CENPE: variants seen among roughly 807,000 people sequenced by gnomAD.
CENPE encodes centromere-associated protein E.
Under a neutral mutation model 336.1 loss-of-function variants are expected in CENPE, and 145 were observed. The observed-to-expected ratio is 0.43, with a 90% CI of 0.38 to 0.50. The LOEUF (loss-of-function observed/expected upper bound fraction) is 0.50. Ranked by LOEUF, CENPE falls within the 20% of genes least tolerant of loss-of-function variation. The probability of loss-of-function intolerance (pLI) is 0.00; values close to 1 mark genes in which losing one functional copy is unlikely to be tolerated. For synonymous variants in CENPE, 1,013 were observed against 984.8 expected (o/e 1.03, Z -0.54); for missense variants, 2,719 against 3,023.3 (o/e 0.90, Z 2.36).
In CENPE at chr4:103,177,048, TA is replaced by T; in HGVS notation, c.1243-3del. ...AGTAACTCTTCGTTTTCTTTTAGCC[TA>T]AAGAAGAAGAAATCAAAATTATGTC... On this transcript the variant is annotated splice_region_variant and splice_polypyrimidine_tract_variant and intron_variant, in intron 13 of 48. Transcript: ENST00000265148. 6.3e-7 allele frequency: 1 copy of T among 1,598,432 alleles called. No individual in the cohort carries two copies.
At position 103,120,297 on chromosome 4, in the gene CENPE, T is replaced by C; in HGVS notation, c.7180A>G (p.Lys2394Glu). The stretch of plus-strand genomic sequence containing the variant: ...CTTTCCTTATGCATAGCACTTTCTT[T>C]AGCTTCATGCAGTGAATTTTCCAGC... The part of the protein sequence containing the change: ...RELENSLHEA[K>E]ESAMHKESKI... Residue 2394 changes from lysine (K) to glutamate (E), a missense_variant, in exon 44 of 49, where the codon AAA becomes GAA. Physicochemically the swap from Lys to Glu is moderately conservative, Grantham distance 56. Transcript: ENST00000265148. 1 of 1,610,238 alleles carries C rather than the reference T, an allele frequency of 6.2e-7. No individual in the cohort carries two copies. The highest frequency in any genetic ancestry group is 8.5e-7 in the Non-Finnish European group (1 of 1,179,158).
intron 47 of CENPE, 95 bp from the exon 48 acceptor site, chr4:103,109,184 GA>G: frequency 2.1e-6 from 2 of 934,552 alleles, no homozygotes; most frequent in Non-Finnish European, 3.1e-6. Flanking sequence ...AAATTGTGAT[GA>G]AATATATATA....
intron 39 of CENPE, 149 bp downstream of exon 39, chr4:103,138,202 A>G: frequency 1.6e-6 from 1 of 626,720 alleles, no homozygotes; most frequent in Non-Finnish European, 2.9e-6. Flanking sequence ...TATGCATTAT[A>G]CCCACACACC....
At chr4:103,156,543 T>C (rs1753971855) in intron 24 of CENPE, among the ~76,000 whole-genome samples, 1 of 152,132 alleles carries the variant, frequency 6.6e-6, no homozygotes. Flanking sequence ...AAGAACGAAG[T>C]TGTACCCTGA....
rs745443405 is a variant in CENPE, at chr4:103,196,829, A to G, written c.78T>C (p.Thr26=). The stretch of plus-strand genomic sequence containing the variant: ...TGTCAGTTTTCCAGTAAACTTGGGC[A>G]GTTTCTCCAAGTGATTCTTCTCTAA... The part of the protein sequence containing the change: ...LNSREESLGE[T]AQVYWKTDNN... The change falls in exon 2 of 49, where the codon ACT becomes ACC. Residue 26 remains threonine (T), a synonymous_variant. Transcript: ENST00000265148. 13 of 1,574,150 alleles carry G rather than the reference A, an allele frequency of 8.3e-6. No homozygotes were observed. Among genetic ancestry groups the G allele is most frequent in the Non-Finnish European group, 1.0e-5 (12 of 1,145,886 alleles).
intron 9 of CENPE, among the ~76,000 whole-genome samples, chr4:103,184,209 G>T (rs1756558724): frequency 6.6e-6 from 1 of 152,210 alleles, no homozygotes; most frequent in Non-Finnish European, 1.5e-5. Flanking sequence ...GGACTGGTTT[G>T]GTGGATGTAG....
intron 38 of CENPE, 63 bp downstream of exon 38, chr4:103,139,725 AT>A: frequency 1.4e-6 from 2 of 1,382,086 alleles, no homozygotes. Context: ...AAACATTGTA[AT>A]TCTTTTCAAA....
At chr4:103,132,960 T>TTATATATATATATATATATATA (rs56951110) in intron 41 of CENPE, 64 bp from the exon 42 acceptor site, 3,139 of 146,970 alleles carry the variant, frequency 0.021, 117 homozygotes, top group Middle Eastern at 0.029. Flanking sequence ...AATATTTTAT[T>TTATATATATATATATATATATA]TATATATATA....
chr4:103,136,843 G>T (rs1387679281), intron 39 of CENPE, among the ~76,000 whole-genome samples: 1 of 152,110 alleles, frequency 6.6e-6, no homozygotes, highest in East Asian at 1.9e-4. Context: ...CCTACTATCT[G>T]CCTACAATCT....
Position 103,122,969 on chromosome 4 carries a change from A to G in CENPE, c.7045T>C (p.Leu2349=). 2 of 1,613,956 alleles carry G rather than the reference A, an allele frequency of 1.2e-6. No individual in the cohort carries two copies. Among genetic ancestry groups the G allele is most frequent in the Non-Finnish European group, 1.7e-6 (2 of 1,179,862 alleles). ...GCACCAGATGCCAAGGAAGTCTTCAATGTTTGGTAGTTTTTAAATAGTTTT... is the reference window on the plus strand; with the variant it reads ...GCACCAGATGCCAAGGAAGTCTTCAGTGTTTGGTAGTTTTTAAATAGTTTT... ...NEKLFKNYQT[L]KTSLASGAQV... The change falls in exon 43 of 49, where the codon TTG becomes CTG. Residue 2349 remains leucine, a synonymous_variant. Transcript: ENST00000265148.
At chr4:103,111,129 T>C in intron 46 of CENPE, 118 bp from the exon 47 acceptor site, 1 of 666,488 alleles carries the variant, frequency 1.5e-6, no homozygotes, top group East Asian at 2.9e-5. Context: ...TCAAGTCTTA[T>C]TTCCCTGGAA....
chr4:103,121,743 T>C (rs1388684714), intron 43 of CENPE, among the ~76,000 whole-genome samples: 1 of 151,920 alleles, frequency 6.6e-6, no homozygotes, highest in Non-Finnish European at 1.5e-5. Context: ...TTTTTTTTTG[T>C]AGAGACAGGG....
intron 16 of CENPE, among the ~76,000 whole-genome samples, chr4:103,165,723 C>T (rs1671367666): frequency 6.6e-6 from 1 of 152,022 alleles, no homozygotes; most frequent in African/African-American, 2.4e-5. Flanking sequence ...GTGGCTCACA[C>T]CTGTAATCCT....
Position 103,161,329 on chromosome 4 carries a change from A to G in CENPE, c.1965+6T>C. 1 of 1,607,704 alleles carries G rather than the reference A, an allele frequency of 6.2e-7. No homozygotes were observed. The highest frequency in any genetic ancestry group is 8.5e-7 in the Non-Finnish European group (1 of 1,177,710). ...CTTTATTATAAATATTACAAAAAAT[A>G]CTTACCATTTTCTCCTTCAGCTCCA... On this transcript the variant is annotated splice_donor_region_variant and intron_variant, in intron 19 of 48. Transcript: ENST00000265148.
chr4:103,145,019 CAA>C (rs369959588), intron 32 of CENPE, 29 bp downstream of exon 32: 6,434 of 1,193,068 alleles, frequency 5.4e-3, no homozygotes, highest in South Asian at 0.014. Context: ...TTTCTGTATC[CAA>C]AAAAAAAAAA....
chr4:103,155,388 C>T (rs895071312), intron 24 of CENPE, among the ~76,000 whole-genome samples: 4 of 152,144 alleles, frequency 2.6e-5, no homozygotes, highest in African/African-American at 7.2e-5. Flanking sequence ...GGGCTCACTG[C>T]AGCCTCAACC....
intron 11 of CENPE, among the ~76,000 whole-genome samples, chr4:103,182,194 T>A (rs1756383482): frequency 6.6e-6 from 1 of 151,930 alleles, no homozygotes; most frequent in Non-Finnish European, 1.5e-5. Flanking sequence ...TGGGTTCAAG[T>A]GATTCTCCTG....
chr4:103,135,046 T>C (rs1751949522), intron 40 of CENPE, among the ~76,000 whole-genome samples: 1 of 152,202 alleles, frequency 6.6e-6, no homozygotes. Context: ...AGCAGTACTT[T>C]TGCTAGTTTC....
Position 103,195,214 on chromosome 4 carries a change from A to G in CENPE, c.377T>C (p.Leu126Pro). The G allele has an allele frequency of 6.3e-7, 1 of 1,576,778 alleles. No homozygotes were observed. The highest frequency in any genetic ancestry group is 8.6e-7 in the Non-Finnish European group (1 of 1,168,184). ...TATTTCCATGTAAGATACACGTAAG[A>G]GAAATTCCCTATCAGGAAACTAGAA... ...KIKKFPDREF[L>P]LRVSYMEIYN... Residue 126 changes from leucine to proline, a missense_variant, in exon 5 of 49, where the codon CTC (leucine) becomes CCC (proline). Leu to Pro is a moderately conservative substitution (Grantham distance 98). This residue lies in a region of CENPE where 106 missense variants were observed against 189.3 expected (regional missense o/e 0.56). Coordinates refer to ENST00000265148, the MANE Select transcript of CENPE (RefSeq NM_001813.3).
Sources: allele counts gnomAD v4.1 joint callset (sites outside exome capture counted in the v4.1 genomes callset), GRCh38; gene constraint gnomAD v4.1.1; regional missense constraint gnomAD v4.1.1; transcripts MANE v1.5; gene names NCBI Gene and HGNC (gene_info 2026-07-23, HGNC 2026-07-21).